The following MACROD2 variants were observed in gnomAD, a reference collection of about 807,000 sequenced individuals.
The protein encoded by MACROD2 is ADP-ribose glycohydrolase MACROD2.
MACROD2 carries 36 observed loss-of-function variants against 70.4 expected under a neutral mutation model. The observed-to-expected ratio is 0.51, with a 90% CI of 0.39 to 0.68. The LOEUF (loss-of-function observed/expected upper bound fraction) is 0.68. Ranked by LOEUF, MACROD2 falls within the 30% of genes least tolerant of loss-of-function variation. The pLI, the probability that MACROD2 is intolerant of heterozygous loss-of-function variation, is 0.00. For missense variants in MACROD2, 496 were observed against 538.4 expected (o/e 0.92, Z 0.78); for synonymous variants, 172 against 178.8 (o/e 0.96, Z 0.30).
At chr20:15,243,790 G>A (rs2077081521) in intron 6 of MACROD2, among the ~76,000 whole-genome samples, 2 of 151,426 alleles carry the variant, frequency 1.3e-5, no homozygotes, top group South Asian at 4.2e-4. Flanking sequence ...GCGGGGCGTA[G>A]TGGCGGGTGC....
chr20:14,574,080 G>C (rs564719801), intron 4 of MACROD2, among the ~76,000 whole-genome samples: 1 of 152,296 alleles, frequency 6.6e-6, no homozygotes, highest in South Asian at 2.1e-4. Flanking sequence ...AAGGCATAGA[G>C]ATAATCAAGA....
At chr20:15,109,155 A>G (rs2075935075) in intron 5 of MACROD2, among the ~76,000 whole-genome samples, 1 of 152,178 alleles carries the variant, frequency 6.6e-6, no homozygotes, top group Non-Finnish European at 1.5e-5. Context: ...TTCACAGTCA[A>G]AAATATTTAC....
chr20:15,978,604 C>CTCTT (rs925626665), intron 13 of MACROD2, among the ~76,000 whole-genome samples: 1 of 150,682 alleles, frequency 6.6e-6, no homozygotes, highest in Non-Finnish European at 1.5e-5. Flanking sequence ...CTCTCTCTCT[C>CTCTT]TCTCTCTCTC....
chr20:15,130,139 A>G (rs1406731014), intron 5 of MACROD2, among the ~76,000 whole-genome samples: 1 of 152,142 alleles, frequency 6.6e-6, no homozygotes, highest in Non-Finnish European at 1.5e-5. Context: ...AATTGTGAAC[A>G]AGATTCTCTT....
chr20:16,008,273 G>A (rs989582423), intron 15 of MACROD2, among the ~76,000 whole-genome samples: 6 of 152,138 alleles, frequency 3.9e-5, no homozygotes, highest in East Asian at 1.9e-4. Context: ...CGTCTCTCAC[G>A]TTACATGGTT....
intron 3 of MACROD2, among the ~76,000 whole-genome samples, chr20:14,492,503 T>C (rs2084806117): frequency 6.6e-6 from 1 of 152,142 alleles, no homozygotes; most frequent in South Asian, 2.1e-4. Context: ...ACAATGATAT[T>C]TGCACCTCTT....
At chr20:15,755,600 C>T (rs2146988446) in intron 8 of MACROD2, among the ~76,000 whole-genome samples, 1 of 152,296 alleles carries the variant, frequency 6.6e-6, no homozygotes, top group East Asian at 1.9e-4. Context: ...ATGCTTGTCT[C>T]ATTCATGAAT....
At chr20:14,948,018 G>A (rs1600860414) in intron 5 of MACROD2, among the ~76,000 whole-genome samples, 1 of 149,322 alleles carries the variant, frequency 6.7e-6, no homozygotes, top group Non-Finnish European at 1.5e-5. Context: ...CAGCTCCCTC[G>A]CCTGCTCCAG....
intron 3 of MACROD2, among the ~76,000 whole-genome samples, chr20:14,205,041 TAA>T (rs2081511633): frequency 6.6e-6 from 1 of 152,262 alleles, no homozygotes; most frequent in South Asian, 2.1e-4. Flanking sequence ...ATTCTGGACT[TAA>T]AAAACTGTTT....
intron 6 of MACROD2, among the ~76,000 whole-genome samples, chr20:15,336,514 C>G (rs2078050554): frequency 6.6e-6 from 1 of 151,670 alleles, no homozygotes; most frequent in African/African-American, 2.4e-5. Flanking sequence ...CCTCTCATCT[C>G]TTTCTGCATC....
At chr20:15,951,665 G>A (rs573359832) in intron 12 of MACROD2, among the ~76,000 whole-genome samples, 19 of 151,930 alleles carry the variant, frequency 1.3e-4, no homozygotes, top group African/African-American at 3.6e-4. Flanking sequence ...ACATGCAAGC[G>A]CATGCATGCA....
chr20:15,971,175 T>C (rs909100534), intron 13 of MACROD2, among the ~76,000 whole-genome samples: 1 of 152,144 alleles, frequency 6.6e-6, no homozygotes, highest in Non-Finnish European at 1.5e-5. Flanking sequence ...CATGTTTCTC[T>C]TCAAATTAAA....
At chr20:15,868,639 G>C (rs1425562381) in intron 9 of MACROD2, among the ~76,000 whole-genome samples, 2 of 144,226 alleles carry the variant, frequency 1.4e-5, no homozygotes, top group Non-Finnish European at 3.0e-5. Context: ...GTGACCATTG[G>C]TTGATAAACT....
chr20:16,000,136 T>C (rs957090749), intron 15 of MACROD2, among the ~76,000 whole-genome samples: 3 of 152,214 alleles, frequency 2.0e-5, no homozygotes, highest in African/African-American at 7.2e-5. Context: ...GAACATTTAC[T>C]ACCTGGCCCT....
intron 8 of MACROD2, among the ~76,000 whole-genome samples, chr20:15,576,754 A>G (rs1422230390): frequency 1.3e-5 from 2 of 152,176 alleles, no homozygotes; most frequent in Non-Finnish European, 2.9e-5. Flanking sequence ...GAGTTTCTCA[A>G]AATTCTAGTT....
chr20:14,833,794 A>T (rs1373798278), intron 5 of MACROD2, among the ~76,000 whole-genome samples: 1 of 152,070 alleles, frequency 6.6e-6, no homozygotes, highest in Non-Finnish European at 1.5e-5. Flanking sequence ...GTGTATTTGA[A>T]TTGGTTTCAA....
At chr20:15,547,044 T>C (rs1158245100) in intron 8 of MACROD2, among the ~76,000 whole-genome samples, 1 of 152,146 alleles carries the variant, frequency 6.6e-6, no homozygotes. Context: ...TGCTGTTGAA[T>C]CGGAACCAAA....
intron 6 of MACROD2, among the ~76,000 whole-genome samples, chr20:15,239,591 G>A (rs184575393): frequency 1.7e-3 from 266 of 152,182 alleles, no homozygotes; most frequent in South Asian, 0.017. Flanking sequence ...CAGCCCATAC[G>A]AGTAACTTTA....
At chr20:15,585,636 C>T (rs1432003980) in intron 8 of MACROD2, among the ~76,000 whole-genome samples, 9 of 152,178 alleles carry the variant, frequency 5.9e-5, no homozygotes, top group African/African-American at 2.2e-4. Flanking sequence ...GGGATGGGAT[C>T]ATTCTGTGGC....
Sources: allele counts gnomAD v4.1 joint callset (sites outside exome capture counted in the v4.1 genomes callset), GRCh38; gene constraint gnomAD v4.1.1; transcripts MANE v1.5; gene names NCBI Gene and HGNC (gene_info 2026-07-23, HGNC 2026-07-21).